The following EFCAB6 variants were observed in gnomAD, a reference collection of about 807,000 sequenced individuals.
EFCAB6 encodes EF-hand calcium-binding domain-containing protein 6.
Under a neutral mutation model 169.8 loss-of-function variants are expected in EFCAB6, and 156 were observed. That is an observed-to-expected ratio of 0.92 (90% CI 0.81 to 1.05). EFCAB6 has a LOEUF of 1.05. EFCAB6 is among the 50% of genes least tolerant of loss of function. The pLI is 0.00. For synonymous variants in EFCAB6, 698 were observed against 676.4 expected, an observed-to-expected ratio of 1.03 and a Z score of -0.50; for missense variants, 1,800 against 1,829.1, an observed-to-expected ratio of 0.98 and a Z score of 0.29.
intron 21 of EFCAB6, 79 bp downstream of exon 21, chr22:43,615,747 G>C: frequency 2.3e-6 from 3 of 1,285,768 alleles, no homozygotes; most frequent in Non-Finnish European, 3.3e-6. Context: ...GTCTGGATCT[G>C]AACAGCTTCA....
At chr22:43,767,820 G>A (rs527521159) in intron 4 of EFCAB6, among the ~76,000 whole-genome samples, 21 of 34,524 alleles carry the variant, frequency 6.1e-4, no homozygotes, top group Admixed American at 3.6e-3. Flanking sequence ...AAATTCTTGC[G>A]ATGATAGTCT....
chr22:43,718,736 A>G (rs968200), intron 8 of EFCAB6, among the ~76,000 whole-genome samples: 35,860 of 152,108 alleles, frequency 0.24, 5,523 homozygotes, highest in East Asian at 0.62. Flanking sequence ...AGCTGAGATC[A>G]TGCCACTGCA....
intron 1 of EFCAB6, among the ~76,000 whole-genome samples, chr22:43,811,868 CAG>C (rs781612685): frequency 6.6e-6 from 1 of 152,154 alleles, no homozygotes; most frequent in Non-Finnish European, 1.5e-5. Context: ...CTGATTCTCA[CAG>C]AGAGGCAGGG....
In EFCAB6 at chr22:43,548,504, C is replaced by T. The variant is rs570096762; in HGVS notation, c.3648+6365G>A. ...GCAGTGAGCCGAGATCAAGCCACTG[C>T]ACCCCGGTCTGGGTGACAGAGCGAG... On this transcript the variant is annotated intron_variant, in intron 27 of 31. Coordinates refer to ENST00000262726, the MANE Select transcript of EFCAB6 (RefSeq NM_022785.4). 1.8e-4 allele frequency among the ~76,000 whole-genome samples: 23 copies of T among 130,882 alleles called. 1 individual carries two copies. In the South Asian group the frequency reaches 5.8e-3, roughly 33 times the overall value. 85.9% of individuals were successfully genotyped at this position (130,882 alleles called of 152,430 possible).
chr22:43,555,434 G>A (rs2048647022), intron 26 of EFCAB6, among the ~76,000 whole-genome samples: 6 of 152,206 alleles, frequency 3.9e-5, no homozygotes, highest in Admixed American at 3.9e-4. Flanking sequence ...CTTTGGGATC[G>A]ATTAACAAAC....
At chr22:43,781,946 C>T (rs67834805) in intron 3 of EFCAB6, among the ~76,000 whole-genome samples, 24,303 of 152,096 alleles carry the variant, frequency 0.16, 2,019 homozygotes, top group South Asian at 0.22. Context: ...ATCATACTCC[C>T]TGGGTTCAAA....
At chr22:43,738,816 TC>T (rs2060262907) in intron 6 of EFCAB6, among the ~76,000 whole-genome samples, 1 of 152,072 alleles carries the variant, frequency 6.6e-6, no homozygotes, top group Admixed American at 6.5e-5. Flanking sequence ...AAGACAGCAT[TC>T]CCATTCCCCA....
In EFCAB6 at chr22:43,807,047, T is replaced by A. The variant is rs537784223; in HGVS notation, c.-8+1948A>T. Among the ~76,000 whole-genome samples the A allele has an allele frequency of 5.1e-4, 78 of 152,348 alleles. 2 individuals carry two copies. In the South Asian group the frequency reaches 8.9e-3, roughly 17 times the overall value. The stretch of plus-strand genomic sequence containing the variant: ...TTGATTCTCTGCTTCCAGACCTTTA[T>A]GTTGGCCCCTGCTAGACAATAAGTC... On this transcript the variant is annotated intron_variant, in intron 2 of 31. Transcript: ENST00000262726.
chr22:43,554,810 G>T (rs1314741030), intron 27 of EFCAB6, 59 bp downstream of exon 27: 6 of 1,453,264 alleles, frequency 4.1e-6, no homozygotes. Flanking sequence ...TTCTGGCCAG[G>T]GACCAGGCTG....
At chr22:43,672,514 G>A (rs1442790020) in intron 13 of EFCAB6, among the ~76,000 whole-genome samples, 4 of 152,156 alleles carry the variant, frequency 2.6e-5, no homozygotes, top group African/African-American at 2.4e-5. Flanking sequence ...GACATAAAAA[G>A]AATGAGATCA....
At chr22:43,682,048 T>C (rs1418104498) in intron 12 of EFCAB6, among the ~76,000 whole-genome samples, 1 of 152,198 alleles carries the variant, frequency 6.6e-6, no homozygotes, top group African/African-American at 2.4e-5. Flanking sequence ...TTCCCATGAC[T>C]GCCCTGAGCA....
chr22:43,782,352 G>A (rs182545775), intron 2 of EFCAB6, 27 bp from the exon 3 acceptor site: 38 of 1,605,220 alleles, frequency 2.4e-5, no homozygotes, highest in African/African-American at 1.1e-4. Flanking sequence ...AACAGATTAC[G>A]TTACCTTAAA....
chr22:43,726,303 C>T (rs1306509062), intron 8 of EFCAB6, among the ~76,000 whole-genome samples: 2 of 84,994 alleles, frequency 2.4e-5, no homozygotes, highest in African/African-American at 9.3e-5. Context: ...AAAAAAAAGA[C>T]AGCATAAATT....
intron 26 of EFCAB6, among the ~76,000 whole-genome samples, chr22:43,563,346 C>T (rs2049193437): frequency 1.3e-5 from 2 of 152,132 alleles, no homozygotes; most frequent in Non-Finnish European, 1.5e-5. Flanking sequence ...GAGGGGAGGA[C>T]TGCTTGAGCT....
intron 6 of EFCAB6, among the ~76,000 whole-genome samples, chr22:43,754,102 T>C (rs1343570784): frequency 2.0e-5 from 3 of 151,994 alleles, no homozygotes; most frequent in African/African-American, 7.3e-5. Flanking sequence ...TATTTGGAGG[T>C]GGAGGGGCTG....
chr22:43,717,394 G>C (rs1336361080), intron 8 of EFCAB6, among the ~76,000 whole-genome samples: 3 of 147,174 alleles, frequency 2.0e-5, no homozygotes, highest in Non-Finnish European at 4.5e-5. Context: ...AAAGCCACAA[G>C]TTAACAGTGA....
intron 17 of EFCAB6, among the ~76,000 whole-genome samples, chr22:43,652,156 C>T (rs2056503408): frequency 6.6e-6 from 1 of 152,160 alleles, no homozygotes. Flanking sequence ...ACCCAAATCT[C>T]ATCTTGAATT....
intron 8 of EFCAB6, among the ~76,000 whole-genome samples, chr22:43,726,277 A>AAAAAAAAAAAAAAAAAAAAAAAAAAAAC (rs2059733317): frequency 3.5e-5 from 1 of 28,356 alleles, no homozygotes; most frequent in Non-Finnish European, 7.2e-5. Context: ...AAAATTCACC[A>AAAAAAAAAAAAAAAAAAAAAAAAAAAAC]AAAAAAAAAA....
At chr22:43,630,844 G>A (rs1245062587) in intron 19 of EFCAB6, among the ~76,000 whole-genome samples, 4 of 152,156 alleles carry the variant, frequency 2.6e-5, no homozygotes, top group Non-Finnish European at 4.4e-5. Context: ...CACTTAGCCT[G>A]GATGAGATCA....
Sources: gnomAD v4.1 joint callset for allele counts (sites outside exome capture counted in the v4.1 genomes callset) on GRCh38, gnomAD v4.1.1 for gene constraint, MANE v1.5 for transcripts, NCBI Gene and HGNC (gene_info 2026-07-23, HGNC 2026-07-21) for gene names.